The following OGG1 variants were observed in gnomAD, a reference collection of about 807,000 sequenced individuals.
The protein encoded by OGG1 is N-glycosylase/DNA lyase.
A neutral mutation model predicts 42.3 loss-of-function variants in OGG1; 35 were observed. That is an observed-to-expected ratio of 0.83 (90% CI 0.63 to 1.10). OGG1 has a LOEUF of 1.10. OGG1 is among the 50% of genes least tolerant of loss of function. OGG1 has a pLI of 0.00. For synonymous variants in OGG1, 189 were observed against 179.0 expected (o/e 1.06, Z -0.44); for missense variants, 484 against 446.7 (o/e 1.08, Z -0.75).
intron 3 of OGG1, among the ~76,000 whole-genome samples, chr3:9,786,182 G>A (rs7618636): frequency 0.21 from 31,604 of 151,804 alleles, 3,776 homozygotes; most frequent in East Asian, 0.57. Flanking sequence ...CTTGTGATCC[G>A]CCCGCCTCAG....
At chr3:9,776,863 T>C (rs373789881) in intron 2 of OGG1, among the ~76,000 whole-genome samples, 4 of 152,228 alleles carry the variant, frequency 2.6e-5, no homozygotes, top group African/African-American at 9.6e-5. Flanking sequence ...AATAAGTGAA[T>C]AGGGTAATTA....
At chr3:9,786,171 C>T (rs983117277) in intron 3 of OGG1, among the ~76,000 whole-genome samples, 1 of 152,070 alleles carries the variant, frequency 6.6e-6, no homozygotes, top group African/African-American at 2.4e-5. Context: ...GATCTCCTGA[C>T]CTTGTGATCC....
chr3:9,789,651 C>G, downstream of OGG1: 1 of 1,611,126 alleles, frequency 6.2e-7, no homozygotes, highest in Non-Finnish European at 8.5e-7. Flanking sequence ...GGCGCCCCTG[C>G]CCCACCAGTG....
Position 9,781,657 on chromosome 3 carries a change from G to A in OGG1, c.382+57G>A, listed in dbSNP as rs955859405. On this transcript the variant is annotated intron_variant, in intron 3 of 3. Coordinates refer to the OGG1 transcript ENST00000426518. ...CAGGGTCTGATTTATACATTTCATC[G>A]ATGGTGGAGCTGGAAGGTCACTTAG... 6 of 436,148 alleles carry A rather than the reference G, an allele frequency of 1.4e-5. 1 individual carries two copies. Among genetic ancestry groups the A allele is most frequent in the African/African-American group, 2.0e-5 (1 of 49,796 alleles). 27.0% of individuals were successfully genotyped at this position (436,148 alleles called of 1,614,324 possible). A position where few individuals can be genotyped will look rare whatever the true frequency, so the allele number is the denominator to read the frequency against.
chr3:9,755,626 G>C lies in OGG1; in HGVS notation c.747+741G>C, dbSNP rs145677107. On this transcript the variant is annotated intron_variant, in intron 4 of 6. Transcript: ENST00000344629. ...TTACAGGCATGCGCCACCACACCCA[G>C]CTAATTTTTGTATTTTTAGTAGAGA... Among the ~76,000 whole-genome samples the C allele has an allele frequency of 1.8e-3, 268 of 152,054 alleles. 2 individuals carry two copies. Among genetic ancestry groups the C allele is most frequent in the African/African-American group, 6.2e-3 (258 of 41,494 alleles).
At chr3:9,772,966 G>A (rs1388606010) in intron 2 of OGG1, among the ~76,000 whole-genome samples, 1 of 152,144 alleles carries the variant, frequency 6.6e-6, no homozygotes, top group Admixed American at 6.5e-5. Context: ...TAATCAAAAA[G>A]TGAGTGAAGG....
chr3:9,751,769 G>A lies in OGG1; in HGVS notation c.386-1G>A. The A allele has an allele frequency of 6.2e-7, 1 of 1,614,160 alleles. No individual in the cohort carries two copies. Among genetic ancestry groups the A allele is most frequent in the Non-Finnish European group, 8.5e-7 (1 of 1,180,012 alleles). ...CTACCCCCTGCATTTCTGGTCTCCA[G>A]GTGTGCGACTGCTGCGACAAGACCC... On this transcript the variant is annotated splice_acceptor_variant, in intron 2 of 6. Coordinates refer to ENST00000344629, the MANE Select transcript of OGG1 (RefSeq NM_002542.6). LOFTEE classifies it high-confidence loss of function.
rs1415959586 is a variant in OGG1 at position 9,787,433 on chromosome 3, A to G, written c.383-295A>G. 4 of 1,491,188 alleles carry G rather than the reference A, an allele frequency of 2.7e-6. No homozygotes were observed. The African/African-American group carries it at 4.2e-5, about 16-fold the overall frequency. 92.4% of individuals were successfully genotyped at this position (1,491,188 alleles called of 1,614,324 possible). ...CACTTACCTATCTTATATCTCTCTC[A>G]AGTCCCTAGTCCAAGGCCAAGCCCA... On this transcript the variant is annotated intron_variant, in intron 3 of 3. Transcript: ENST00000426518.
downstream of OGG1, chr3:9,760,727 T>C (rs1158181348): frequency 5.6e-6 from 9 of 1,614,022 alleles, no homozygotes; most frequent in Non-Finnish European, 7.6e-6. Flanking sequence ...TTCAAAGAGT[T>C]TGGCATCATT....
intron 2 of OGG1, among the ~76,000 whole-genome samples, chr3:9,774,408 CA>C (rs35674476): frequency 0.22 from 24,963 of 112,116 alleles, 1,352 homozygotes; most frequent in African/African-American, 0.31. Flanking sequence ...GACTCTGTCT[CA>C]AAAAAAAAAA....
downstream of OGG1, chr3:9,759,295 C>T: frequency 1.9e-6 from 3 of 1,606,040 alleles, no homozygotes; most frequent in East Asian, 2.2e-5. Flanking sequence ...AGGTGAGGGA[C>T]CCTCTCTGGA....
chr3:9,766,475 T>G, exon 8 of OGG1: 1 of 384,008 alleles, frequency 2.6e-6, no homozygotes, highest in Non-Finnish European at 4.8e-6. Context: ...CTTTGGATCC[T>G]GGGTCAAAAA....
chr3:9,782,944 C>T (rs1251116400), intron 3 of OGG1, among the ~76,000 whole-genome samples: 5 of 152,202 alleles, frequency 3.3e-5, no homozygotes, highest in Non-Finnish European at 7.3e-5. Context: ...CCACAGTCTT[C>T]CTCAAGATGT....
chr3:9,753,291 C>A (rs373773954), intron 3 of OGG1, among the ~76,000 whole-genome samples: 1 of 149,624 alleles, frequency 6.7e-6, no homozygotes, highest in East Asian at 2.0e-4. Flanking sequence ...TTGCAGTGAG[C>A]TGAGATCATG....
At chr3:9,769,252 C>G (rs529437741), downstream of OGG1, among the ~76,000 whole-genome samples, 189 of 152,128 alleles carry the variant, frequency 1.2e-3, no homozygotes, top group Non-Finnish European at 2.0e-3. Context: ...CAGACACACA[C>G]ACACACACCC....
intron 3 of OGG1, among the ~76,000 whole-genome samples, chr3:9,781,992 G>A (rs2078480359): frequency 6.6e-6 from 1 of 151,874 alleles, no homozygotes; most frequent in African/African-American, 2.4e-5. Flanking sequence ...GTGCCACCAT[G>A]CCTAGCTGAT....
At chr3:9,767,979 G>A (rs1281378070), downstream of OGG1, among the ~76,000 whole-genome samples, 1 of 152,164 alleles carries the variant, frequency 6.6e-6, no homozygotes, top group Non-Finnish European at 1.5e-5. Context: ...TTTCACAGTG[G>A]CAGCAAAATT....
chr3:9,765,948 TCTC>T, exon 8 of OGG1: 1 of 1,614,002 alleles, frequency 6.2e-7, no homozygotes, highest in Non-Finnish European at 8.5e-7. Flanking sequence ...CCCTCCAGCC[TCTC>T]CTCCATTCCC....
At chr3:9,768,617 G>A (rs1352940408), downstream of OGG1, among the ~76,000 whole-genome samples, 1 of 152,220 alleles carries the variant, frequency 6.6e-6, no homozygotes, top group East Asian at 1.9e-4. Context: ...GAGGGCAAAG[G>A]CCATCGAATG....
Sources: allele counts gnomAD v4.1 joint callset (sites outside exome capture counted in the v4.1 genomes callset), GRCh38; gene constraint gnomAD v4.1.1; transcripts MANE v1.5; gene names NCBI Gene and HGNC (gene_info 2026-07-23, HGNC 2026-07-21).